R3HDM4: variants seen among roughly 807,000 people sequenced by gnomAD.
R3HDM4 encodes R3H domain-containing protein 4.
A neutral mutation model predicts 31.3 loss-of-function variants in R3HDM4; 30 were observed. That is an observed-to-expected ratio of 0.96 (90% CI 0.72 to 1.30). R3HDM4 has a LOEUF of 1.30. R3HDM4 is among the 50% of genes most tolerant of loss of function. R3HDM4 has a pLI of 0.00. For synonymous variants in R3HDM4, 196 were observed against 156.6 expected, an observed-to-expected ratio of 1.25 and a Z score of -1.88; for missense variants, 444 against 366.1, an observed-to-expected ratio of 1.21 and a Z score of -1.74.
At chr19:909,185 C>T (rs895675738) in intron 1 of R3HDM4, among the ~76,000 whole-genome samples, 1 of 152,220 alleles carries the variant, frequency 6.6e-6, no homozygotes, top group Admixed American at 6.5e-5. Flanking sequence ...CGGCCACTCC[C>T]AATTCTACTC....
intron 1 of R3HDM4, among the ~76,000 whole-genome samples, chr19:911,128 T>A (rs973557309): frequency 1.4e-5 from 2 of 143,186 alleles, no homozygotes; most frequent in African/African-American, 2.6e-5. Flanking sequence ...CTCAAAAAAA[T>A]AAACAAATAA....
intron 1 of R3HDM4, among the ~76,000 whole-genome samples, chr19:903,562 G>A (rs1489562368): frequency 6.6e-6 from 1 of 152,148 alleles, no homozygotes; most frequent in Non-Finnish European, 1.5e-5. Context: ...GCGGGCCGGT[G>A]AGGGGGGGCC....
rs777141353 is a variant in R3HDM4 at position 900,138 on chromosome 19, C to T, written c.484G>A (p.Ala162Thr). ...RGEDRRREDP[A>T]YTPRECFQRI... is the part of the protein sequence containing the mutation. ...TGGAAGCACTCGCGGGGTGTATAGG[C>T]GGGGTCCTCTGCAGGAGTGGGGGAA... is the stretch of plus-strand genomic sequence containing the variant. Residue 162 changes from alanine (A) to threonine (T), a missense_variant, in exon 5 of 8, where the codon GCC (alanine) becomes ACC (threonine). By Grantham distance (58) the Ala-to-Thr change is moderately conservative (BLOSUM62 0). Coordinates refer to ENST00000361574, the MANE Select transcript of R3HDM4 (RefSeq NM_138774.4). 19 of 1,580,498 alleles carry T rather than the reference C, an allele frequency of 1.2e-5. 1 individual carries two copies. The highest frequency in any genetic ancestry group is 3.6e-5 in the Admixed American group (2 of 55,354).
In R3HDM4 at chr19:897,479, C is replaced by T. The variant is rs61745642; in HGVS notation, c.765G>A (p.Pro255=). The part of the protein sequence containing the change: ...KVSNRHLDFL[P]PGLLLSAYLE... ...GGTAGGCGGACAGGAGCAGCCCCGGCGGCAGGAAATCCAGGTGCCGATTAC... is the reference window on the plus strand; with the variant it reads ...GGTAGGCGGACAGGAGCAGCCCCGGTGGCAGGAAATCCAGGTGCCGATTAC... The change falls in exon 8 of 8, where the codon CCG becomes CCA. Residue 255 remains proline, a synonymous_variant. Transcript: ENST00000361574. The T allele has an allele frequency of 3.9e-3, 6,256 of 1,612,718 alleles. 186 individuals are homozygous for T. In the African/African-American group the frequency reaches 0.07, roughly 18 times the overall value.
chr19:899,976 C>G lies in R3HDM4; in HGVS notation c.561+85G>C, dbSNP rs2036803683. ...CCTGTTTCCCCTGACACGACCTGCA[C>G]CGGGTGAGAACCTGTGCCTGGGAAA... On this transcript the variant is annotated intron_variant, in intron 5 of 7. Transcript: ENST00000361574. This position sits in a 1 kb window ranked among gnomAD's most constrained non-coding sequence, Gnocchi z 6.8. 1.1e-5 allele frequency: 15 copies of G among 1,371,940 alleles called. No individual in the cohort carries two copies. Among genetic ancestry groups the G allele is most frequent in the Non-Finnish European group, 1.6e-5 (15 of 965,948 alleles). 85.0% of individuals were successfully genotyped at this position (1,371,940 alleles called of 1,614,324 possible). A position where few individuals can be genotyped will look rare whatever the true frequency, so the allele number is the denominator to read the frequency against.
At chr19:902,359 C>A in intron 1 of R3HDM4, 1 of 543,904 alleles carries the variant, frequency 1.8e-6, no homozygotes, top group Non-Finnish European at 3.3e-6. Context: ...CCGGTGATCC[C>A]AGCATTGTGG....
rs545067624 is a variant in R3HDM4, at chr19:899,769, C to T, written c.562-83G>A. 13 of 1,133,766 alleles carry T rather than the reference C, an allele frequency of 1.1e-5. No homozygotes were observed. In the South Asian group the frequency reaches 2.1e-4, roughly 18 times the overall value. 70.2% of individuals were successfully genotyped at this position (1,133,766 alleles called of 1,614,324 possible). A position where few individuals can be genotyped will look rare whatever the true frequency, so the allele number is the denominator to read the frequency against. On this transcript the variant is annotated intron_variant, in intron 5 of 7. Transcript: ENST00000361574. This position sits in a 1 kb window ranked among gnomAD's most constrained non-coding sequence, Gnocchi z 6.8. ...GAGGTCCAGGGCCCCCAGGAGCCCACAGCGCTGGGCTCAAACATGACCTCT... is the reference window on the plus strand; with the variant it reads ...GAGGTCCAGGGCCCCCAGGAGCCCATAGCGCTGGGCTCAAACATGACCTCT...
At position 905,230 on chromosome 19, in the gene R3HDM4, G is replaced by A. The variant is rs141815926; in HGVS notation, c.72-3100C>T. ...CTCAAAAAAAAAAAGTACGCTGGGC[G>A]CAGTGGCTTATGCCTGTAATCCCAA... On this transcript the variant is annotated intron_variant, in intron 1 of 7. Transcript: ENST00000361574. Among the ~76,000 whole-genome samples the A allele has an allele frequency of 4.6e-5, 7 of 151,338 alleles. 1 individual carries two copies. Among genetic ancestry groups the A allele is most frequent in the South Asian group, 4.2e-4 (2 of 4,786 alleles).
intron 1 of R3HDM4, among the ~76,000 whole-genome samples, chr19:910,155 G>A (rs968702999): frequency 2.1e-4 from 32 of 151,908 alleles, no homozygotes; most frequent in Non-Finnish European, 7.4e-5. Context: ...GAGAAACTCC[G>A]TTTCTACTAA....
intron 2 of R3HDM4, 156 bp downstream of exon 2, chr19:901,820 C>G: frequency 1.4e-6 from 1 of 728,138 alleles, no homozygotes; most frequent in Non-Finnish European, 2.1e-6. Context: ...GTGTCTGGCT[C>G]TATTTATATG....
Position 913,038 on chromosome 19 carries a change from A to C in R3HDM4, c.71+49T>G. 1.3e-6 allele frequency: 1 copy of C among 742,780 alleles called. No individual in the cohort carries two copies. The highest frequency in any genetic ancestry group is 1.7e-6 in the Non-Finnish European group (1 of 600,212). The allele number at this position is 742,780 out of a possible 1,614,324, so 46.0% of individuals were successfully genotyped here. On this transcript the variant is annotated intron_variant, in intron 1 of 7. Transcript: ENST00000361574. This position sits in a 1 kb window ranked among gnomAD's most constrained non-coding sequence, Gnocchi z 5.0. The stretch of plus-strand genomic sequence containing the variant: ...GCGGGGAGAGGATCTCAGGGGAGGG[A>C]GCCCAGCCCGCCCCCGGCGCCCGCC...
rs2036803843 is a variant in R3HDM4 at position 899,979 on chromosome 19, G to C, written c.561+82C>G. On this transcript the variant is annotated intron_variant, in intron 5 of 7. Coordinates refer to ENST00000361574, the MANE Select transcript of R3HDM4 (RefSeq NM_138774.4). This position sits in a 1 kb window ranked among gnomAD's most constrained non-coding sequence, Gnocchi z 6.8. ...GTTTCCCCTGACACGACCTGCACCG[G>C]GTGAGAACCTGTGCCTGGGAAACGG... 2 of 1,395,466 alleles carry C rather than the reference G, an allele frequency of 1.4e-6. No homozygotes were observed. The highest frequency in any genetic ancestry group is 2.0e-6 in the Non-Finnish European group (2 of 985,474). The allele number at this position is 1,395,466 out of a possible 1,614,324, so 86.4% of individuals were successfully genotyped here.
Position 897,445 on chromosome 19 carries a change from G to A in R3HDM4, c.799C>T (p.His267Tyr). 1 of 1,608,942 alleles carries A rather than the reference G, an allele frequency of 6.2e-7. No individual in the cohort carries two copies. ...GLLLSAYLEQ[H>Y]S ...TCTCCGCGGGGCCGCCATCAGCTGT[G>A]CTGCTCCAGGTAGGCGGACAGGAGC... is the stretch of plus-strand genomic sequence containing the variant. Residue 267 changes from histidine (H) to tyrosine (Y), a missense_variant, in exon 8 of 8, where the codon CAC (histidine) becomes TAC (tyrosine). Physicochemically the swap from His to Tyr is moderately conservative, Grantham distance 83 (BLOSUM62 2). Coordinates refer to ENST00000361574, the MANE Select transcript of R3HDM4 (RefSeq NM_138774.4).
At chr19:898,901 C>A (rs565984983) in intron 7 of R3HDM4, among the ~76,000 whole-genome samples, 62 of 152,264 alleles carry the variant, frequency 4.1e-4, no homozygotes, top group Admixed American at 3.3e-3. Context: ...CCAGGCGGGG[C>A]GGCAGAGACA....
At chr19:901,279 C>T in intron 3 of R3HDM4, 143 bp downstream of exon 3, 1 of 950,734 alleles carries the variant, frequency 1.1e-6, no homozygotes, top group Non-Finnish European at 1.5e-6. Context: ...GTCTGGGGAC[C>T]CCGAAGGAGA....
At chr19:903,005 T>C (rs994493642) in intron 1 of R3HDM4, among the ~76,000 whole-genome samples, 1 of 152,032 alleles carries the variant, frequency 6.6e-6, no homozygotes, top group African/African-American at 2.4e-5. Context: ...TGAAGACACT[T>C]GCCCAAAGTC....
At position 907,541 on chromosome 19, in the gene R3HDM4, G is replaced by C. The variant is rs563992266; in HGVS notation, c.72-5411C>G. Among the ~76,000 whole-genome samples, 36 of 152,246 alleles carry C rather than the reference G, an allele frequency of 2.4e-4. No homozygotes were observed. The highest frequency in any genetic ancestry group is 3.4e-3 in the Middle Eastern group (1 of 294). On this transcript the variant is annotated intron_variant, in intron 1 of 7. Transcript: ENST00000361574. This position sits in a 1 kb window ranked among gnomAD's most constrained non-coding sequence, Gnocchi z 4.1. ...AGATGAAGGATCTGAGGCTTGGAGA[G>C]GTGGGGCTGTCCCCCGTCACCACCC... is the stretch of plus-strand genomic sequence containing the variant.
intron 7 of R3HDM4, 31 bp from the exon 8 acceptor site, chr19:897,571 G>A (rs3746149): frequency 6.4e-7 from 1 of 1,560,178 alleles, no homozygotes; most frequent in Admixed American, 1.8e-5. Context: ...GCAAGAACGG[G>A]AGGAATTTGG....
chr19:910,769 G>C (rs535806678), intron 1 of R3HDM4, among the ~76,000 whole-genome samples: 1 of 152,086 alleles, frequency 6.6e-6, no homozygotes, highest in African/African-American at 2.4e-5. Context: ...CCTCTGAGTG[G>C]AGATAATAGT....
Sources: gnomAD v4.1 joint callset for allele counts (sites outside exome capture counted in the v4.1 genomes callset) on GRCh38, gnomAD v4.1.1 for gene constraint, Gnocchi (gnomAD v3.1) non-coding constraint, MANE v1.5 for transcripts, NCBI Gene and HGNC (gene_info 2026-07-23, HGNC 2026-07-21) for gene names.